PHTF1: variants seen among roughly 807,000 people sequenced by gnomAD.
The protein encoded by PHTF1 is protein PHTF1.
PHTF1 carries 88 observed loss-of-function variants against 102.4 expected under a neutral mutation model. That is an observed-to-expected ratio of 0.86 (90% CI 0.72 to 1.03). The LOEUF is 1.03. Among genes scored for constraint, PHTF1 ranks in the 50% least tolerant of loss-of-function variants. The pLI is 0.00. For synonymous variants in PHTF1, 289 were observed against 305.2 expected, an observed-to-expected ratio of 0.95 and a Z score of 0.55; for missense variants, 814 against 909.5, an observed-to-expected ratio of 0.89 and a Z score of 1.35.
intron 10 of PHTF1, among the ~76,000 whole-genome samples, chr1:113,711,320 CCT>C (rs1398736609): frequency 6.6e-6 from 1 of 152,168 alleles, no homozygotes; most frequent in Non-Finnish European, 1.5e-5. Flanking sequence ...ACTCTGCTCA[CCT>C]CTGAGTTACA....
In PHTF1 at chr1:113,710,779, C is replaced by T. The variant is rs111357309; in HGVS notation, c.1048-304G>A. Reference sequence around the variant, plus strand: ...GAGTAGCTGGCACTACAGGTGCATACCATCACACCCGGATATATATATATA... The same window carrying T: ...GAGTAGCTGGCACTACAGGTGCATATCATCACACCCGGATATATATATATA... On this transcript the variant is annotated intron_variant, in intron 10 of 18. Transcript: ENST00000369604. 5.5e-3 allele frequency among the ~76,000 whole-genome samples: 795 copies of T among 144,676 alleles called. 3 individuals are homozygous for T. Among genetic ancestry groups the T allele is most frequent in the Middle Eastern group, 0.025 (7 of 284 alleles). 94.9% of individuals were successfully genotyped at this position (144,676 alleles called of 152,430 possible).
chr1:113,758,850 T>C, intron 1 of PHTF1, 117 bp from the exon 2 acceptor site: 1 of 1,346,284 alleles, frequency 7.4e-7, no homozygotes, highest in Non-Finnish European at 9.6e-7. Context: ...TTTCTCCAGC[T>C]GTTTGCCAGG....
At chr1:113,728,146 A>G (rs1654126129) in intron 5 of PHTF1, among the ~76,000 whole-genome samples, 1 of 152,186 alleles carries the variant, frequency 6.6e-6, no homozygotes, top group Admixed American at 6.5e-5. Context: ...AAAGGAAACA[A>G]TCAACCAAGA....
intron 5 of PHTF1, among the ~76,000 whole-genome samples, chr1:113,731,367 TA>T (rs925359264): frequency 1.3e-5 from 2 of 150,618 alleles, no homozygotes; most frequent in African/African-American, 4.9e-5. Flanking sequence ...AGCCCATCTC[TA>T]AAAAATAAAA....
At position 113,758,664 on chromosome 1, in the gene PHTF1, T is replaced by C. The variant is rs77659803; in HGVS notation, c.40A>G (p.Lys14Glu). The change falls in exon 2 of 19, where the codon AAG becomes GAG. Residue 14 changes from lysine to glutamate, a missense_variant. By Grantham distance (56) the Lys-to-Glu change is moderately conservative. Coordinates refer to ENST00000369604, the MANE Select transcript of PHTF1 (RefSeq NM_001323043.2). ...NERDAISWYQ[K>E]KIGAYDQQIW... ...AAAATATATATATGTATTACCTTCT[T>C]TTGGTACCACGATATAGCATCTCTC... is the stretch of plus-strand genomic sequence containing the variant. The C allele has an allele frequency of 1.5e-3, 2,344 of 1,588,908 alleles. 24 individuals are homozygous for C. In the African/African-American group the frequency reaches 0.027, roughly 19 times the overall value.
chr1:113,709,211 G>A (rs557707363), intron 11 of PHTF1, among the ~76,000 whole-genome samples: 1 of 152,248 alleles, frequency 6.6e-6, no homozygotes, highest in African/African-American at 2.4e-5. Context: ...ACTCCAGCCT[G>A]GGCAACAGAG....
chr1:113,726,368 C>A, intron 6 of PHTF1, 50 bp downstream of exon 6: 1 of 1,302,250 alleles, frequency 7.7e-7, no homozygotes, highest in South Asian at 1.3e-5. Context: ...TAAATCTCTA[C>A]AATAACTCTC....
chr1:113,743,328 C>T (rs1317557810), intron 3 of PHTF1, among the ~76,000 whole-genome samples: 1 of 151,864 alleles, frequency 6.6e-6, no homozygotes, highest in Non-Finnish European at 1.5e-5. Flanking sequence ...ATCATTGTCT[C>T]CCACCTCCAT....
chr1:113,752,336 T>C (rs2101703859), intron 3 of PHTF1, among the ~76,000 whole-genome samples: 1 of 151,746 alleles, frequency 6.6e-6, no homozygotes, highest in East Asian at 1.9e-4. Context: ...CTGATTTTTG[T>C]GTACTGATCT....
At chr1:113,728,803 G>A (rs1237348848) in intron 5 of PHTF1, among the ~76,000 whole-genome samples, 1 of 152,186 alleles carries the variant, frequency 6.6e-6, no homozygotes, top group East Asian at 1.9e-4. Context: ...CAGCTACTTG[G>A]GAGGCTGAGG....
intron 12 of PHTF1, 62 bp from the exon 13 acceptor site, chr1:113,706,224 A>G (rs1309061411): frequency 2.2e-6 from 3 of 1,370,156 alleles, no homozygotes; most frequent in Non-Finnish European, 3.0e-6. Context: ...ACAAAGCAGT[A>G]TTTATCAAAC....
At chr1:113,722,406 T>G (rs1219191506) in intron 7 of PHTF1, among the ~76,000 whole-genome samples, 2 of 151,926 alleles carry the variant, frequency 1.3e-5, no homozygotes, top group African/African-American at 4.8e-5. Flanking sequence ...GCCACTGCAC[T>G]CTAGCTTTGG....
At chr1:113,751,694 T>C (rs1658101522) in intron 3 of PHTF1, among the ~76,000 whole-genome samples, 1 of 152,218 alleles carries the variant, frequency 6.6e-6, no homozygotes, top group African/African-American at 2.4e-5. Context: ...TCACTTCTCT[T>C]GGATAGAAAA....
rs560611116 is a variant in PHTF1, at chr1:113,730,555, A to G, written c.332-3981T>C. On this transcript the variant is annotated intron_variant, in intron 5 of 18. Transcript: ENST00000369604. The stretch of plus-strand genomic sequence containing the variant: ...TATTTGCCAACCATATGGTTGTATC[A>G]TTATAAAATCTAATACAAGCACTGA... Among the ~76,000 whole-genome samples, 3 of 152,362 alleles carry G rather than the reference A, an allele frequency of 2.0e-5. No individual in the cohort carries two copies. The South Asian group carries it at 6.2e-4, about 32-fold the overall frequency.
At chr1:113,731,644 AG>A (rs1654658922) in intron 5 of PHTF1, among the ~76,000 whole-genome samples, 1 of 152,184 alleles carries the variant, frequency 6.6e-6, no homozygotes, top group Non-Finnish European at 1.5e-5. Flanking sequence ...CTGTAATCCC[AG>A]CACTTTGGGA....
At chr1:113,698,208 C>A in intron 18 of PHTF1, 54 bp downstream of exon 18, 1 of 1,329,966 alleles carries the variant, frequency 7.5e-7, no homozygotes, top group Non-Finnish European at 1.1e-6. Context: ...ACACAGATTT[C>A]TGTACATAGT....
At chr1:113,706,189 A>G in intron 12 of PHTF1, 27 bp from the exon 13 acceptor site, 2 of 1,569,198 alleles carry the variant, frequency 1.3e-6, no homozygotes, top group Non-Finnish European at 1.7e-6. Flanking sequence ...AATTTCCACC[A>G]TTATTGTGTT....
At position 113,704,159 on chromosome 1, in the gene PHTF1, C is replaced by T. The variant is rs746807382; in HGVS notation, c.1812G>A (p.Gly604=). The T allele has an allele frequency of 1.2e-6, 2 of 1,609,104 alleles. No homozygotes were observed. The highest frequency in any genetic ancestry group is 1.7e-6 in the Non-Finnish European group (2 of 1,176,206). Residue 604 remains glycine, a synonymous_variant, in exon 15 of 19, where the codon GGG becomes GGA. Transcript: ENST00000369604. Reference sequence around the variant, plus strand: ...CAACCACATCAACTGAACGCTGTGGCCCCCGTCTCTGTGGAGTGAGACACA... The same window carrying T: ...CAACCACATCAACTGAACGCTGTGGTCCCCGTCTCTGTGGAGTGAGACACA... The part of the protein sequence containing the change: ...LSLRSYLKRR[G]PQRSVDVVVS...
chr1:113,713,256 T>G (rs760525967), intron 8 of PHTF1, 23 bp downstream of exon 8: 2 of 1,607,268 alleles, frequency 1.2e-6, no homozygotes, highest in South Asian at 1.1e-5. Context: ...AAAAACCCCT[T>G]GTTAAATCCA....
Sources: gnomAD v4.1 joint callset for allele counts (sites outside exome capture counted in the v4.1 genomes callset) on GRCh38, gnomAD v4.1.1 for gene constraint, MANE v1.5 for transcripts, NCBI Gene and HGNC (gene_info 2026-07-23, HGNC 2026-07-21) for gene names.